The following CHRM3 variants were observed in gnomAD, a reference collection of about 807,000 sequenced individuals.
CHRM3 encodes muscarinic acetylcholine receptor M3.
A neutral mutation model predicts 41.8 loss-of-function variants in CHRM3; 11 were observed. The ratio of observed to expected loss-of-function variants is 0.26; its 90% confidence interval spans 0.17 to 0.44. The LOEUF is 0.44. CHRM3 is among the 20% of genes least tolerant of loss of function. CHRM3 has a pLI of 1.00. For missense variants in CHRM3, 571 were observed against 745.4 expected (o/e 0.77, Z 2.72); for synonymous variants, 297 against 301.4 (o/e 0.99, Z 0.15).
intron 1 of CHRM3, among the ~76,000 whole-genome samples, chr1:239,428,617 G>C (rs1298489748): frequency 6.6e-6 from 1 of 152,134 alleles, no homozygotes; most frequent in Non-Finnish European, 1.5e-5. Flanking sequence ...ACTTGACAGA[G>C]AAAATTTTTT....
intron 2 of CHRM3, among the ~76,000 whole-genome samples, chr1:239,542,948 C>T (rs947998798): frequency 6.6e-6 from 1 of 152,200 alleles, no homozygotes; most frequent in Non-Finnish European, 1.5e-5. Flanking sequence ...ATGCTTTCTT[C>T]GTTTTACATT....
chr1:239,731,544 T>C (rs1447138643), intron 5 of CHRM3, among the ~76,000 whole-genome samples: 1 of 151,916 alleles, frequency 6.6e-6, no homozygotes, highest in South Asian at 2.1e-4. Context: ...TATGCATTTT[T>C]TTCATGTGAG....
chr1:239,708,726 T>C (rs1329473577), intron 5 of CHRM3, among the ~76,000 whole-genome samples: 1 of 138,874 alleles, frequency 7.2e-6, no homozygotes, highest in East Asian at 2.1e-4. Context: ...TTTCTTCTGG[T>C]TTAAATTTTC....
chr1:239,792,194 G>T (rs1669405763), intron 5 of CHRM3, among the ~76,000 whole-genome samples: 1 of 152,118 alleles, frequency 6.6e-6, no homozygotes, highest in Admixed American at 6.5e-5. Flanking sequence ...GACTTTCACT[G>T]CCAGGATCAT....
chr1:239,828,133 C>T (rs116114733), intron 6 of CHRM3, among the ~76,000 whole-genome samples: 243 of 152,248 alleles, frequency 1.6e-3, no homozygotes, highest in African/African-American at 5.6e-3. Flanking sequence ...AAGAAATACA[C>T]GCACACAAAT....
chr1:239,777,754 A>G (rs1668208753), intron 5 of CHRM3, among the ~76,000 whole-genome samples: 1 of 152,218 alleles, frequency 6.6e-6, no homozygotes, highest in Non-Finnish European at 1.5e-5. Flanking sequence ...GAACATTCAT[A>G]GAGAGTTGTG....
chr1:239,648,105 T>G (rs911448276), intron 4 of CHRM3, among the ~76,000 whole-genome samples: 1 of 152,204 alleles, frequency 6.6e-6, no homozygotes, highest in African/African-American at 2.4e-5. Flanking sequence ...GCATTTCTCA[T>G]TATTTCCTAA....
intron 5 of CHRM3, among the ~76,000 whole-genome samples, chr1:239,772,559 G>A (rs1667777212): frequency 6.6e-6 from 1 of 152,180 alleles, no homozygotes; most frequent in Admixed American, 6.5e-5. Flanking sequence ...ATTCTCTGCT[G>A]TTTAAAGGCC....
At chr1:239,492,323 G>A (rs141405652) in intron 1 of CHRM3, among the ~76,000 whole-genome samples, 42 of 152,204 alleles carry the variant, frequency 2.8e-4, no homozygotes, top group African/African-American at 9.6e-4. Flanking sequence ...CCCATAGTAG[G>A]TAGATTTTGT....
intron 3 of CHRM3, among the ~76,000 whole-genome samples, chr1:239,583,645 T>C (rs1182937723): frequency 6.6e-6 from 1 of 152,208 alleles, no homozygotes; most frequent in East Asian, 1.9e-4. Context: ...CTCCCTTTTC[T>C]CCTTCCCCAC....
At chr1:239,701,860 C>T (rs1660718667) in intron 5 of CHRM3, among the ~76,000 whole-genome samples, 1 of 152,184 alleles carries the variant, frequency 6.6e-6, no homozygotes, top group African/African-American at 2.4e-5. Flanking sequence ...ATATTCCTCA[C>T]TCTCCTTATC....
chr1:239,634,376 C>CAAAA (rs1553347938), intron 4 of CHRM3, among the ~76,000 whole-genome samples: 1 of 135,562 alleles, frequency 7.4e-6, no homozygotes, highest in Middle Eastern at 3.7e-3. Context: ...CAAGAACAAA[C>CAAAA]GAAAGAAAGA....
chr1:239,461,416 C>T (rs1302274736), intron 1 of CHRM3, among the ~76,000 whole-genome samples: 2 of 151,976 alleles, frequency 1.3e-5, no homozygotes, highest in Non-Finnish European at 2.9e-5. Flanking sequence ...TTAAAGATGA[C>T]AAAATTTGCA....
intron 2 of CHRM3, among the ~76,000 whole-genome samples, chr1:239,508,334 T>C (rs1668706084): frequency 6.6e-6 from 1 of 152,190 alleles, no homozygotes; most frequent in South Asian, 2.1e-4. Context: ...TAAATTATCA[T>C]GAATGTCAGA....
At chr1:239,630,578 A>G (rs1471437479) in intron 3 of CHRM3, among the ~76,000 whole-genome samples, 3 of 152,182 alleles carry the variant, frequency 2.0e-5, no homozygotes, top group African/African-American at 7.2e-5. Flanking sequence ...GAGGGAGAGA[A>G]ATGACTACAT....
intron 4 of CHRM3, among the ~76,000 whole-genome samples, chr1:239,635,964 A>G (rs911813791): frequency 2.0e-5 from 3 of 152,188 alleles, no homozygotes; most frequent in Non-Finnish European, 4.4e-5. Context: ...GAAAAAGAAA[A>G]CAGAGAAAAA....
chr1:239,741,796 G>A (rs1045193743), intron 5 of CHRM3, among the ~76,000 whole-genome samples: 2 of 152,116 alleles, frequency 1.3e-5, no homozygotes, highest in African/African-American at 2.4e-5. Context: ...GCTATATTTA[G>A]CTTCACAAGG....
rs1665518346 is a variant in CHRM3, at chr1:239,748,059, G to A, written c.-147+69771G>A. ...AAAAAATAAACACTGATATTTAAAG[G>A]AACACTGTGAAAATAGGAGTAAGGA... On this transcript the variant is annotated intron_variant, in intron 5 of 6. Coordinates refer to ENST00000676153, the MANE Select transcript of CHRM3 (RefSeq NM_001375978.1). The surrounding 1 kb of genome is among the most constrained non-coding windows in gnomAD (Gnocchi z 4.3). Among the ~76,000 whole-genome samples the A allele has an allele frequency of 6.6e-6, 1 of 151,912 alleles. No individual in the cohort carries two copies. Among genetic ancestry groups the A allele is most frequent in the Non-Finnish European group, 1.5e-5 (1 of 67,994 alleles).
In CHRM3 at chr1:239,862,712, T is replaced by C. The variant is rs1675740465; in HGVS notation, c.-20+35334T>C. 2.0e-5 allele frequency among the ~76,000 whole-genome samples: 3 copies of C among 152,268 alleles called. No homozygotes were observed. The South Asian group carries it at 6.2e-4, about 32-fold the overall frequency. On this transcript the variant is annotated intron_variant, in intron 6 of 6. Transcript: ENST00000676153. ...TGACTAAGACTCCCAGTCTGCTTCA[T>C]AAAGCAGAAAGCAAAACAAGGAGAT...
Sources: allele counts gnomAD v4.1 joint callset (sites outside exome capture counted in the v4.1 genomes callset), GRCh38; gene constraint gnomAD v4.1.1; non-coding constraint Gnocchi (gnomAD v3.1); transcripts MANE v1.5; gene names NCBI Gene and HGNC (gene_info 2026-07-23, HGNC 2026-07-21).